SUCO: variants seen among roughly 807,000 people sequenced by gnomAD.
The protein encoded by SUCO is SUN domain-containing ossification factor.
SUCO carries 57 observed loss-of-function variants against 148.1 expected under a neutral mutation model. That is an observed-to-expected ratio of 0.38 (90% CI 0.31 to 0.48). The LOEUF is 0.48. Ranked by LOEUF, SUCO falls within the 20% of genes least tolerant of loss-of-function variation. SUCO has a pLI of 0.96. For synonymous variants in SUCO, 470 were observed against 502.7 expected (o/e 0.93, Z 0.87); for missense variants, 1,331 against 1,468.2 (o/e 0.91, Z 1.53).
rs1297709780 is a variant in SUCO, at chr1:172,585,915, C to T, written c.1625C>T (p.Ser542Leu). 5.0e-6 allele frequency: 8 copies of T among 1,610,820 alleles called. No individual in the cohort carries two copies. The highest frequency in any genetic ancestry group is 1.3e-5 in the African/African-American group (1 of 74,744). Residue 542 changes from serine (S) to leucine (L), a missense_variant, in exon 17 of 24, where the codon TCA becomes TTA. Ser to Leu is a moderately radical substitution (Grantham distance 145). Coordinates refer to ENST00000263688, the MANE Select transcript of SUCO (RefSeq NM_014283.5). ...TATAAPKMPE[S>L]TPVSTPVPSP... The stretch of plus-strand genomic sequence containing the variant: ...ACAGCTGCACCTAAAATGCCTGAAT[C>T]AACTCCTGTTTCAACTCCTGTTCCA...
Position 172,585,884 on chromosome 1 carries a change from A to G in SUCO, c.1594A>G (p.Thr532Ala). ...AAATAAAAGTATATCTGAGAATGCC[A>G]CTGCCACAGCTGCACCTAAAATGCC... is the stretch of plus-strand genomic sequence containing the variant. The part of the protein sequence containing the change: ...EGNKSISENA[T>A]ATAAPKMPES... The change falls in exon 17 of 24, where the codon ACT becomes GCT. Residue 532 changes from threonine (T) to alanine (A), a missense_variant. Thr to Ala is a moderately conservative substitution (Grantham distance 58, BLOSUM62 0). Transcript: ENST00000263688. The G allele has an allele frequency of 6.2e-7, 1 of 1,609,514 alleles. No individual in the cohort carries two copies. The highest frequency in any genetic ancestry group is 8.5e-7 in the Non-Finnish European group (1 of 1,177,882).
At chr1:172,603,681 A>C (rs531970402) in intron 22 of SUCO, among the ~76,000 whole-genome samples, 1 of 152,164 alleles carries the variant, frequency 6.6e-6, no homozygotes, top group South Asian at 2.1e-4. Flanking sequence ...GAATTTTCAC[A>C]AACAATACAG....
chr1:172,582,129 T>G (rs1655921736), intron 15 of SUCO, among the ~76,000 whole-genome samples: 1 of 152,204 alleles, frequency 6.6e-6, no homozygotes, highest in Non-Finnish European at 1.5e-5. Flanking sequence ...CCTTTGCTCT[T>G]AAATATGTGG....
intron 13 of SUCO, 125 bp downstream of exon 13, chr1:172,577,944 G>T: frequency 1.5e-6 from 1 of 663,552 alleles, no homozygotes; most frequent in South Asian, 2.7e-5. Context: ...TAAAAACTGT[G>T]AAACCTTTCT....
intron 22 of SUCO, among the ~76,000 whole-genome samples, chr1:172,606,522 G>C (rs1198105078): frequency 6.6e-6 from 1 of 151,560 alleles, no homozygotes. Flanking sequence ...TTATGTTACT[G>C]TTCTTGTATA....
intron 19 of SUCO, among the ~76,000 whole-genome samples, chr1:172,594,116 G>A (rs1396943968): frequency 6.6e-6 from 1 of 151,952 alleles, no homozygotes; most frequent in Non-Finnish European, 1.5e-5. Context: ...GGGATTGGTG[G>A]TGATATCCCC....
chr1:172,581,238 T>C (rs1309809971), intron 15 of SUCO, among the ~76,000 whole-genome samples: 2 of 152,224 alleles, frequency 1.3e-5, no homozygotes, highest in Admixed American at 6.5e-5. Context: ...TGTTTGGATC[T>C]TTCTCCTTGA....
chr1:172,581,377 A>T (rs867859095), intron 15 of SUCO, among the ~76,000 whole-genome samples: 5 of 152,164 alleles, frequency 3.3e-5, no homozygotes, highest in African/African-American at 1.2e-4. Context: ...AGTCTCTAAA[A>T]TGAGATTTAA....
At chr1:172,596,581 G>T (rs1657114586) in intron 19 of SUCO, among the ~76,000 whole-genome samples, 1 of 152,256 alleles carries the variant, frequency 6.6e-6, no homozygotes, top group Admixed American at 6.5e-5. Context: ...GGTATCACCA[G>T]TGGAGGCTGC....
At chr1:172,608,073 G>A (rs894314882) in intron 22 of SUCO, 5 of 984,668 alleles carry the variant, frequency 5.1e-6, no homozygotes, top group Non-Finnish European at 6.0e-6. Context: ...GATATATCTT[G>A]AAGCTGCTTA....
chr1:172,545,655 G>A lies in SUCO; in HGVS notation c.63-5857G>A, dbSNP rs559039324. On this transcript the variant is annotated intron_variant, in intron 1 of 23. Coordinates refer to ENST00000263688, the MANE Select transcript of SUCO (RefSeq NM_014283.5). ...GAGGACAGAAACTAGATTTCAGCAG[G>A]CTGAGGACTAAATAGAAGGTGAAAA... 1.4e-4 allele frequency among the ~76,000 whole-genome samples: 21 copies of A among 152,292 alleles called. No homozygotes were observed. In the South Asian group the frequency reaches 2.7e-3, roughly 20 times the overall value.
intron 9 of SUCO, among the ~76,000 whole-genome samples, chr1:172,571,528 G>A (rs1432431266): frequency 2.0e-5 from 3 of 148,454 alleles, no homozygotes; most frequent in Admixed American, 1.3e-4. Flanking sequence ...CCATCGTCTG[G>A]GACGTGAGGA....
At chr1:172,548,285 T>C (rs1000295027) in intron 1 of SUCO, among the ~76,000 whole-genome samples, 1 of 151,950 alleles carries the variant, frequency 6.6e-6, no homozygotes, top group African/African-American at 2.4e-5. Context: ...TTTTTCTTTT[T>C]ATTCCATATT....
At chr1:172,534,241 G>A (rs1333148844) in intron 1 of SUCO, among the ~76,000 whole-genome samples, 1 of 152,136 alleles carries the variant, frequency 6.6e-6, no homozygotes, top group Non-Finnish European at 1.5e-5. Context: ...AGGCACTTCT[G>A]GAGTTTTTTG....
chr1:172,590,160 C>A, intron 18 of SUCO: 1 of 265,788 alleles, frequency 3.8e-6, no homozygotes, highest in Non-Finnish European at 5.8e-6. Flanking sequence ...TTTTATTAGG[C>A]TGGCAACAAG....
chr1:172,568,550 T>G, intron 6 of SUCO: 6 of 597,280 alleles, frequency 1.0e-5, no homozygotes, highest in Non-Finnish European at 1.3e-5. Context: ...TTTTTCACAT[T>G]TAGAATTTTT....
In SUCO at chr1:172,555,908, A is replaced by G; in HGVS notation, c.328A>G (p.Thr110Ala). ...SKKLSPPVVE[T>A]LPTVDLHEES... ...AAAGTTAAGTCCACCGGTGGTGGAG[A>G]CACTCCCTACAGTTGATTTGCATGA... is the stretch of plus-strand genomic sequence containing the variant. The change falls in exon 4 of 24, where the codon ACA (threonine) becomes GCA (alanine). Residue 110 changes from threonine (T) to alanine (A), a missense_variant. Physicochemically the swap from Thr to Ala is moderately conservative, Grantham distance 58 (BLOSUM62 0). Transcript: ENST00000263688. The G allele has an allele frequency of 6.2e-7, 1 of 1,611,280 alleles. No individual in the cohort carries two copies. The highest frequency in any genetic ancestry group is 8.5e-7 in the Non-Finnish European group (1 of 1,177,812).
chr1:172,579,642 T>C (rs1655728590), intron 15 of SUCO, among the ~76,000 whole-genome samples: 1 of 152,016 alleles, frequency 6.6e-6, no homozygotes, highest in African/African-American at 2.4e-5. Flanking sequence ...TAAAGGGTGC[T>C]CCTACCATCA....
intron 1 of SUCO, among the ~76,000 whole-genome samples, chr1:172,536,759 C>T (rs1652050388): frequency 6.6e-6 from 1 of 152,114 alleles, no homozygotes; most frequent in African/African-American, 2.4e-5. Flanking sequence ...TGGGCTCGTT[C>T]TTTTTGGAGG....
Sources: gnomAD v4.1 joint callset for allele counts (sites outside exome capture counted in the v4.1 genomes callset) on GRCh38, gnomAD v4.1.1 for gene constraint, MANE v1.5 for transcripts, NCBI Gene and HGNC (gene_info 2026-07-23, HGNC 2026-07-21) for gene names.